The following MEIKIN variants were observed in gnomAD, a reference collection of about 807,000 sequenced individuals.
MEIKIN encodes the protein meiotic kinetochore factor, also known as meiosis-specific kinetochore protein.
chr5:131,939,312 C>T lies in MEIKIN; in HGVS notation c.349+3323G>A, dbSNP rs146717093. 2.1e-3 allele frequency among the ~76,000 whole-genome samples: 320 copies of T among 151,516 alleles called. 1 individual carries two copies. The highest frequency in any genetic ancestry group is 3.2e-3 in the Non-Finnish European group (219 of 67,938). On this transcript the variant is annotated intron_variant, in intron 4 of 12. Coordinates refer to ENST00000442687, the MANE Select transcript of MEIKIN (RefSeq NM_001303622.2). Reference sequence around the variant, plus strand: ...TATGTAATGCCTCTAATTCCTGAACCTTTAGCCTGAATCAGTTTGTTTCTT... The same window carrying T: ...TATGTAATGCCTCTAATTCCTGAACTTTTAGCCTGAATCAGTTTGTTTCTT...
chr5:131,822,379 C>T (rs1332190229), intron 11 of MEIKIN, among the ~76,000 whole-genome samples: 1 of 151,494 alleles, frequency 6.6e-6, no homozygotes, highest in African/African-American at 2.4e-5. Context: ...TCTTTCCTTC[C>T]TTTCTGTTTT....
intron 8 of MEIKIN, among the ~76,000 whole-genome samples, chr5:131,890,659 A>T (rs1234131764): frequency 1.3e-5 from 2 of 152,118 alleles, no homozygotes; most frequent in Non-Finnish European, 2.9e-5. Flanking sequence ...GATCTTTTCA[A>T]AAAACCAGCT....
intron 8 of MEIKIN, among the ~76,000 whole-genome samples, chr5:131,900,772 G>A (rs1433584117): frequency 6.6e-6 from 1 of 152,064 alleles, no homozygotes; most frequent in African/African-American, 2.4e-5. Context: ...CCCAGGTGGG[G>A]TGCCTCCTGG....
Position 131,945,418 on chromosome 5 carries a change from T to A in MEIKIN, c.88A>T (p.Lys30Ter), listed in dbSNP as rs1751947025. Residue 30 changes from lysine to a stop codon, truncating the protein, a stop_gained, in exon 1 of 13, where the codon AAG becomes TAG. Transcript: ENST00000442687. LOFTEE classifies it high-confidence loss of function. ...TPTPDLGSPAKAEAPPGSKRK... is the reference protein window; with the variant it reads ...TPTPDLGSPA The stretch of plus-strand genomic sequence containing the variant: ...CCTGTACCTGGCGGGGCCTCGGCCT[T>A]CGCTGGAGAGCCTAGGTCTGGCGTC... The A allele has an allele frequency of 7.5e-6, 3 of 399,114 alleles. No individual in the cohort carries two copies. The highest frequency in any genetic ancestry group is 1.3e-5 in the Non-Finnish European group (3 of 226,202). The allele number at this position is 399,114 out of a possible 1,614,324, so 24.7% of individuals were successfully genotyped here.
At chr5:131,867,481 A>C (rs1750402750) in intron 9 of MEIKIN, among the ~76,000 whole-genome samples, 1 of 152,184 alleles carries the variant, frequency 6.6e-6, no homozygotes, top group African/African-American at 2.4e-5. Context: ...TTCTAATATC[A>C]TACAAAGTAG....
At chr5:131,938,370 G>A (rs1334375278) in intron 4 of MEIKIN, among the ~76,000 whole-genome samples, 1 of 151,954 alleles carries the variant, frequency 6.6e-6, no homozygotes, top group Non-Finnish European at 1.5e-5. Context: ...GTTTCACCGT[G>A]TTGCCCAGGC....
intron 12 of MEIKIN, among the ~76,000 whole-genome samples, chr5:131,807,673 C>T (rs1425853816): frequency 6.6e-6 from 1 of 152,178 alleles, no homozygotes; most frequent in Admixed American, 6.5e-5. Flanking sequence ...TTGCATTTTC[C>T]TAACCTTTAT....
chr5:131,937,698 T>C (rs1350865943), intron 4 of MEIKIN, among the ~76,000 whole-genome samples: 1 of 152,114 alleles, frequency 6.6e-6, no homozygotes, highest in African/African-American at 2.4e-5. Flanking sequence ...CTGAATACGT[T>C]TTTCTCTCCA....
At chr5:131,892,679 A>G (rs556836239) in intron 8 of MEIKIN, among the ~76,000 whole-genome samples, 1 of 152,164 alleles carries the variant, frequency 6.6e-6, no homozygotes, top group Admixed American at 6.6e-5. Flanking sequence ...TTTAGCTCGG[A>G]GTAGTTTGAT....
intron 8 of MEIKIN, among the ~76,000 whole-genome samples, chr5:131,898,661 C>A (rs1469448630): frequency 6.6e-6 from 1 of 152,246 alleles, no homozygotes; most frequent in Non-Finnish European, 1.5e-5. Context: ...CCAGGCTCCA[C>A]CCTCACAGGT....
chr5:131,824,080 GACC>G (rs1327892435), intron 11 of MEIKIN, among the ~76,000 whole-genome samples: 1 of 152,184 alleles, frequency 6.6e-6, no homozygotes, highest in Non-Finnish European at 1.5e-5. Flanking sequence ...GCACCCCTGT[GACC>G]ACCACCAATG....
chr5:131,883,898 T>C (rs893837868), intron 8 of MEIKIN, among the ~76,000 whole-genome samples: 5 of 152,186 alleles, frequency 3.3e-5, no homozygotes, highest in African/African-American at 1.2e-4. Flanking sequence ...CTGAACTCAA[T>C]GCTGCCCTGT....
At chr5:131,882,522 G>A (rs940666343) in intron 8 of MEIKIN, among the ~76,000 whole-genome samples, 3 of 152,016 alleles carry the variant, frequency 2.0e-5, no homozygotes, top group African/African-American at 7.2e-5. Context: ...ATCCTAAAAT[G>A]GTAATGTCAG....
rs1750635133 is a variant in MEIKIN, at chr5:131,877,435, G to T, written c.774+1543C>A. 2.0e-5 allele frequency among the ~76,000 whole-genome samples: 3 copies of T among 152,064 alleles called. No individual in the cohort carries two copies. The South Asian group carries it at 6.2e-4, about 32-fold the overall frequency. On this transcript the variant is annotated intron_variant, in intron 9 of 12. Transcript: ENST00000442687. ...AAGCGGGTGGATCGCTTGAACCCAG[G>T]AGTTCAAGGCCAGCCTGAGCAACAT...
chr5:131,914,273 A>T (rs1751376450), intron 7 of MEIKIN, among the ~76,000 whole-genome samples: 1 of 151,564 alleles, frequency 6.6e-6, no homozygotes, highest in Non-Finnish European at 1.5e-5. Flanking sequence ...AGTCCTATTT[A>T]CTCAGGAGGC....
intron 8 of MEIKIN, among the ~76,000 whole-genome samples, chr5:131,892,108 T>G (rs532645816): frequency 7.4e-4 from 112 of 152,310 alleles, no homozygotes; most frequent in South Asian, 6.0e-3. Flanking sequence ...TGGGCGTCCC[T>G]TTGTGGGTAA....
At chr5:131,865,427 G>A (rs951333165) in intron 9 of MEIKIN, among the ~76,000 whole-genome samples, 2 of 152,148 alleles carry the variant, frequency 1.3e-5, no homozygotes, top group African/African-American at 4.8e-5. Flanking sequence ...CACCATGTTA[G>A]CCAGAATGGT....
chr5:131,830,169 C>T (rs1045783895), intron 11 of MEIKIN, among the ~76,000 whole-genome samples: 1 of 152,080 alleles, frequency 6.6e-6, no homozygotes, highest in African/African-American at 2.4e-5. Flanking sequence ...GTGAGCAGAT[C>T]GCTTGATCGC....
At chr5:131,941,975 A>T (rs1458252362) in intron 4 of MEIKIN, among the ~76,000 whole-genome samples, 1 of 152,146 alleles carries the variant, frequency 6.6e-6, no homozygotes, top group East Asian at 1.9e-4. Context: ...CCCTAGTAGA[A>T]GGCGCCATTA....
Sources: gnomAD v4.1 joint callset for allele counts (sites outside exome capture counted in the v4.1 genomes callset) on GRCh38, gnomAD v4.1.1 for gene constraint, MANE v1.5 for transcripts, NCBI Gene and HGNC (gene_info 2026-07-23, HGNC 2026-07-21) for gene names.